The following MALRD1 variants were observed in gnomAD, a reference collection of about 807,000 sequenced individuals.
MALRD1 encodes MAM and LDL-receptor class A domain-containing protein 1.
MALRD1 carries 247 observed loss-of-function variants against 242.1 expected under a neutral mutation model. The ratio of observed to expected loss-of-function variants is 1.02; its 90% CI spans 0.92 to 1.13. The LOEUF (loss-of-function observed/expected upper bound fraction) is 1.13, where lower values mean the gene tolerates loss of function less well. Among genes scored for constraint, MALRD1 ranks in the 50% most tolerant of loss-of-function variants. The probability of loss-of-function intolerance (pLI) is 0.00; values close to 1 mark genes in which losing one functional copy is unlikely to be tolerated. For synonymous variants in MALRD1, 995 were observed against 866.6 expected, an observed-to-expected ratio of 1.15 and a Z score of -2.60; for missense variants, 2,989 against 2,533.1, an observed-to-expected ratio of 1.18 and a Z score of -3.86.
At chr10:19,504,019 C>A (rs969184285) in intron 31 of MALRD1, among the ~76,000 whole-genome samples, 1 of 152,096 alleles carries the variant, frequency 6.6e-6, no homozygotes, top group African/African-American at 2.4e-5. Flanking sequence ...CAGAAAACAC[C>A]CCCAAATAAT....
At chr10:19,374,922 T>C (rs1889521) in intron 26 of MALRD1, among the ~76,000 whole-genome samples, 88,924 of 151,952 alleles carry the variant, frequency 0.59, 26,218 homozygotes, top group Middle Eastern at 0.62. Context: ...CATCTAAGAA[T>C]TGTAAATCAG....
At chr10:19,414,067 T>G (rs1341783696) in intron 28 of MALRD1, among the ~76,000 whole-genome samples, 1 of 152,138 alleles carries the variant, frequency 6.6e-6, no homozygotes, top group African/African-American at 2.4e-5. Context: ...AAGTTCAATT[T>G]CCTCTTAAAT....
At chr10:19,184,658 C>T (rs1835659923) in intron 14 of MALRD1, among the ~76,000 whole-genome samples, 1 of 152,134 alleles carries the variant, frequency 6.6e-6, no homozygotes, top group Admixed American at 6.5e-5. Flanking sequence ...AAGTGATTCT[C>T]CTGCCTCAGC....
chr10:19,412,854 T>C (rs1269810633), intron 28 of MALRD1, among the ~76,000 whole-genome samples: 1 of 152,256 alleles, frequency 6.6e-6, no homozygotes, highest in Non-Finnish European at 1.5e-5. Flanking sequence ...TACCTATCAC[T>C]GTTTTCTCTC....
intron 8 of MALRD1, among the ~76,000 whole-genome samples, 159 bp from the exon 9 acceptor site, chr10:19,133,697 T>C (rs891103287): frequency 6.6e-6 from 1 of 152,208 alleles, no homozygotes; most frequent in Non-Finnish European, 1.5e-5. Flanking sequence ...TTTAATGATA[T>C]TCAGCTTTTT....
At chr10:19,395,941 A>G (rs1846557645) in intron 28 of MALRD1, among the ~76,000 whole-genome samples, 1 of 152,100 alleles carries the variant, frequency 6.6e-6, no homozygotes, top group Non-Finnish European at 1.5e-5. Flanking sequence ...TAGGATGCTA[A>G]CACCTTAGTT....
chr10:19,069,806 G>A (rs1430509554), intron 2 of MALRD1, among the ~76,000 whole-genome samples: 1 of 149,858 alleles, frequency 6.7e-6, no homozygotes, highest in Non-Finnish European at 1.5e-5. Context: ...TTCAAAATTC[G>A]GTCTTTATTT....
At chr10:19,349,754 A>T (rs980489301) in intron 25 of MALRD1, among the ~76,000 whole-genome samples, 2 of 152,180 alleles carry the variant, frequency 1.3e-5, no homozygotes, top group Admixed American at 1.3e-4. Context: ...TTTTAGTCTT[A>T]TAAACCTAAT....
intron 19 of MALRD1, among the ~76,000 whole-genome samples, chr10:19,260,347 A>G (rs979563144): frequency 6.6e-6 from 1 of 152,156 alleles, no homozygotes; most frequent in South Asian, 2.1e-4. Context: ...GCTCTAAGCT[A>G]TGTGTCTCTG....
At chr10:19,568,014 G>T (rs1836331855) in intron 33 of MALRD1, among the ~76,000 whole-genome samples, 1 of 152,110 alleles carries the variant, frequency 6.6e-6, no homozygotes, top group Non-Finnish European at 1.5e-5. Context: ...AACTGCACAA[G>T]GCAAAGGCCC....
At chr10:19,680,417 T>A (rs1336035409) in intron 36 of MALRD1, among the ~76,000 whole-genome samples, 2 of 152,142 alleles carry the variant, frequency 1.3e-5, no homozygotes, top group African/African-American at 2.4e-5. Context: ...TTTTTGATCT[T>A]TGTTGGTTTA....
chr10:19,210,361 G>A (rs1363113421), intron 18 of MALRD1, among the ~76,000 whole-genome samples: 1 of 152,146 alleles, frequency 6.6e-6, no homozygotes, highest in Non-Finnish European at 1.5e-5. Flanking sequence ...AAAGCTTGGA[G>A]TGCTGACTGT....
intron 13 of MALRD1, among the ~76,000 whole-genome samples, chr10:19,167,021 T>C (rs952520171): frequency 3.3e-5 from 5 of 152,064 alleles, no homozygotes; most frequent in African/African-American, 1.2e-4. Flanking sequence ...TTAAAGATAA[T>C]ATAGCTAAAA....
At chr10:19,257,274 A>G (rs1255386087) in intron 18 of MALRD1, among the ~76,000 whole-genome samples, 1 of 152,092 alleles carries the variant, frequency 6.6e-6, no homozygotes, top group Non-Finnish European at 1.5e-5. Context: ...ATCTAGGAGG[A>G]TGAGGAGGTT....
intron 1 of MALRD1, among the ~76,000 whole-genome samples, chr10:19,063,147 C>A (rs868119361): frequency 2.6e-5 from 4 of 151,414 alleles, no homozygotes; most frequent in Non-Finnish European, 5.9e-5. Context: ...CCCTGTCCCC[C>A]CCCCAAAAAA....
intron 36 of MALRD1, among the ~76,000 whole-genome samples, chr10:19,650,395 A>G (rs1238058802): frequency 1.3e-5 from 2 of 152,230 alleles, no homozygotes; most frequent in Non-Finnish European, 2.9e-5. Flanking sequence ...GAGAAATAAT[A>G]CAAAATGGAA....
chr10:19,570,844 T>C (rs908014721), intron 33 of MALRD1, among the ~76,000 whole-genome samples: 1 of 152,116 alleles, frequency 6.6e-6, no homozygotes, highest in Non-Finnish European at 1.5e-5. Context: ...TTTTCTTCCA[T>C]ATTTTTAAAT....
intron 13 of MALRD1, among the ~76,000 whole-genome samples, chr10:19,167,814 G>T (rs1461983715): frequency 1.3e-5 from 2 of 152,170 alleles, no homozygotes; most frequent in Non-Finnish European, 2.9e-5. Flanking sequence ...CTCCCATGGA[G>T]TGAGGGGTAA....
chr10:19,639,574 C>T (rs1840294439), intron 36 of MALRD1, among the ~76,000 whole-genome samples: 2 of 152,180 alleles, frequency 1.3e-5, no homozygotes, highest in South Asian at 4.1e-4. Context: ...ATTCCTGTAG[C>T]TCATGGGAAC....
Sources: gnomAD v4.1 joint callset for allele counts (sites outside exome capture counted in the v4.1 genomes callset) on GRCh38, gnomAD v4.1.1 for gene constraint, MANE v1.5 for transcripts, NCBI Gene and HGNC (gene_info 2026-07-23, HGNC 2026-07-21) for gene names.